The following IFNGR2 variants were observed in gnomAD, a reference collection of about 807,000 sequenced individuals.
IFNGR2 encodes interferon gamma receptor 2, also known as IFN-gamma receptor 2.
A neutral mutation model predicts 41.1 loss-of-function variants in IFNGR2; 15 were observed. The observed-to-expected ratio is 0.37, with a 90% CI of 0.24 to 0.56. The LOEUF is 0.56. Among genes scored for constraint, IFNGR2 ranks in the 20% least tolerant of loss-of-function variants. The probability of loss-of-function intolerance (pLI) is 0.81; values close to 1 mark genes in which losing one functional copy is unlikely to be tolerated. For synonymous variants in IFNGR2, 161 were observed against 171.6 expected (o/e 0.94, Z 0.48); for missense variants, 362 against 415.7 (o/e 0.87, Z 1.12).
rs186465465 is a variant in IFNGR2, at chr21:33,436,906, G to C, written c.958G>C (p.Val320Leu). 6 of 1,614,028 alleles carry C rather than the reference G, an allele frequency of 3.7e-6. No homozygotes were observed. Among genetic ancestry groups the C allele is most frequent in the Admixed American group, 3.3e-5 (2 of 60,018 alleles). The stretch of plus-strand genomic sequence containing the variant: ...ACCAAAGGATGACGTCTGGGACTCT[G>C]TGTCCATTATCTCGTTTCCGGAAAA... ...SSPKDDVWDS[V>L]SIISFPEKEQ... The change falls in exon 7 of 7, where the codon GTG becomes CTG. Residue 320 changes from valine (V) to leucine (L), a missense_variant. Physicochemically the swap from Val to Leu is conservative, Grantham distance 32. Coordinates refer to ENST00000290219, the MANE Select transcript of IFNGR2 (RefSeq NM_005534.4).
intron 3 of IFNGR2, among the ~76,000 whole-genome samples, chr21:33,424,121 T>G (rs1264075431): frequency 6.6e-6 from 1 of 151,864 alleles, no homozygotes; most frequent in Non-Finnish European, 1.5e-5. Context: ...GCCAACATGG[T>G]GAAACCCCAT....
In IFNGR2 at chr21:33,421,674, A is replaced by G. The variant is rs1286872153; in HGVS notation, c.401A>G (p.His134Arg). 1 of 1,613,314 alleles carries G rather than the reference A, an allele frequency of 6.2e-7. No individual in the cohort carries two copies. Among genetic ancestry groups the G allele is most frequent in the East Asian group, 2.2e-5 (1 of 44,886 alleles). ...TGGGTGACAATGCCTTGGTTTCAAC[A>G]CTATCGGAATGGTAAGAGAACTTGA... Reference protein sequence around the residue: ...SAWVTMPWFQHYRNVTVGPPE... With the variant: ...SAWVTMPWFQRYRNVTVGPPE... Residue 134 changes from histidine to arginine, a missense_variant, in exon 3 of 7, where the codon CAC (histidine) becomes CGC (arginine). Transcript: ENST00000290219.
chr21:33,436,730 TA>T, intron 6 of IFNGR2, 97 bp from the exon 7 acceptor site: 1 of 991,090 alleles, frequency 1.0e-6, no homozygotes. Flanking sequence ...AAAAAAAAAA[TA>T]AAAATAAAAA....
chr21:33,422,357 A>G (rs1247534195), intron 3 of IFNGR2, among the ~76,000 whole-genome samples: 1 of 152,224 alleles, frequency 6.6e-6, no homozygotes, highest in African/African-American at 2.4e-5. Flanking sequence ...ATGCACACAC[A>G]GGGCATGAAA....
upstream of IFNGR2, chr21:33,403,273 T>G (rs556894037): frequency 6.6e-6 from 1 of 150,542 alleles, no homozygotes; most frequent in East Asian, 2.1e-4. Context: ...GTCCCCGCGC[T>G]GCAGCCGCAG....
At chr21:33,429,396 T>C (rs2083866589) in intron 4 of IFNGR2, among the ~76,000 whole-genome samples, 1 of 152,108 alleles carries the variant, frequency 6.6e-6, no homozygotes, top group South Asian at 2.1e-4. Context: ...TAGAGTGCAG[T>C]GCCACAATCT....
Position 33,421,544 on chromosome 21 carries a change from G to T in IFNGR2, c.271G>T (p.Ala91Ser), listed in dbSNP as rs1290455062. Residue 91 changes from alanine (A) to serine (S), a missense_variant, in exon 3 of 7, where the codon GCA becomes TCA. Ala to Ser is a moderately conservative substitution (Grantham distance 99). Transcript: ENST00000290219. ...AGGGGTGAATTGTACACAGATCACA[G>T]CAACAGAGTGTGACTTCACTGCCGC... ...SIGVNCTQIT[A>S]TECDFTAASP... 1 of 1,614,050 alleles carries T rather than the reference G, an allele frequency of 6.2e-7. No individual in the cohort carries two copies.
chr21:33,403,096 G>C (rs1411336134), upstream of IFNGR2: 1 of 151,782 alleles, frequency 6.6e-6, no homozygotes, highest in African/African-American at 2.4e-5. Flanking sequence ...GGAGAGTTGG[G>C]GGGGGTCAGG....
intron 1 of IFNGR2, among the ~76,000 whole-genome samples, chr21:33,408,870 A>G (rs1482090078): frequency 6.6e-6 from 1 of 152,080 alleles, no homozygotes; most frequent in Admixed American, 6.6e-5. Flanking sequence ...TGAAGCATGG[A>G]GTTTCAGATT....
Position 33,437,020 on chromosome 21 carries a change from C to CT in IFNGR2, c.*59dup. 1 of 1,590,732 alleles carries CT rather than the reference C, an allele frequency of 6.3e-7. No homozygotes were observed. Among genetic ancestry groups the CT allele is most frequent in the African/African-American group, 1.3e-5 (1 of 74,580 alleles). On this transcript the variant is annotated 3_prime_UTR_variant, in exon 7 of 7. Coordinates refer to ENST00000290219, the MANE Select transcript of IFNGR2 (RefSeq NM_005534.4). ...GGAAGAGATCAAGCCATCGGAGCTG[C>CT]TAGAGTTCTGTCTGGACTTTCCAGA...
chr21:33,411,458 T>C (rs1377332288), intron 1 of IFNGR2: 2 of 470,782 alleles, frequency 4.2e-6, no homozygotes, highest in South Asian at 3.1e-5. Flanking sequence ...TGGGAGATGG[T>C]GAACAGGCGT....
At chr21:33,426,467 T>C (rs113583058) in intron 3 of IFNGR2, among the ~76,000 whole-genome samples, 2 of 150,394 alleles carry the variant, frequency 1.3e-5, no homozygotes, top group East Asian at 3.9e-4. Flanking sequence ...ACCTGTAATC[T>C]CAGCACTTTG....
chr21:33,430,477 C>G (rs17879485), intron 4 of IFNGR2, among the ~76,000 whole-genome samples: 76 of 152,310 alleles, frequency 5.0e-4, no homozygotes, highest in African/African-American at 1.8e-3. Flanking sequence ...CAATTTCACT[C>G]TGTCACCCAG....
intron 1 of IFNGR2, among the ~76,000 whole-genome samples, chr21:33,408,843 C>A (rs1406482259): frequency 6.6e-6 from 1 of 152,094 alleles, no homozygotes; most frequent in Non-Finnish European, 1.5e-5. Flanking sequence ...AGAGGAAGAA[C>A]AAACTGAGCT....
chr21:33,421,742 G>T, intron 3 of IFNGR2, 57 bp downstream of exon 3: 4 of 1,329,344 alleles, frequency 3.0e-6, no homozygotes, highest in Admixed American at 1.7e-5. Context: ...CTTCACTTGC[G>T]GTATCGACTC....
At chr21:33,429,704 G>A (rs557875087) in intron 4 of IFNGR2, among the ~76,000 whole-genome samples, 4 of 152,254 alleles carry the variant, frequency 2.6e-5, no homozygotes, top group East Asian at 1.9e-4. Flanking sequence ...GGCCACATAC[G>A]CACCCTCTGT....
Position 33,407,724 on chromosome 21 carries a change from T to G in IFNGR2, c.73+4108T>G, listed in dbSNP as rs373921789. On this transcript the variant is annotated intron_variant, in intron 1 of 6. Transcript: ENST00000290219. ...GATTCTCCTGTCTCAGCCTCCCAAG[T>G]AGCTGGGACTATAGGCACCTGCCAC... Among the ~76,000 whole-genome samples, 75 of 152,268 alleles carry G rather than the reference T, an allele frequency of 4.9e-4. 2 individuals carry two copies. The highest frequency in any genetic ancestry group is 1.7e-3 in the African/African-American group (70 of 41,552).
At chr21:33,433,727 C>T (rs776353343) in intron 6 of IFNGR2, among the ~76,000 whole-genome samples, 30 of 151,936 alleles carry the variant, frequency 2.0e-4, no homozygotes, top group Non-Finnish European at 4.0e-4. Flanking sequence ...CACTACCGAA[C>T]TGTACACCTA....
chr21:33,403,380 C>T (rs922318778), upstream of IFNGR2: 1 of 225,466 alleles, frequency 4.4e-6, no homozygotes, highest in Non-Finnish European at 7.8e-6. Flanking sequence ...CGCGGGCGGC[C>T]GAGCCGAATC....
Sources: allele counts gnomAD v4.1 joint callset (sites outside exome capture counted in the v4.1 genomes callset), GRCh38; gene constraint gnomAD v4.1.1; transcripts MANE v1.5; gene names NCBI Gene and HGNC (gene_info 2026-07-23, HGNC 2026-07-21).